The following CYFIP1 variants were observed in gnomAD, a reference collection of about 807,000 sequenced individuals.
The protein encoded by CYFIP1 is cytoplasmic FMR1-interacting protein 1.
Under a neutral mutation model 163.5 loss-of-function variants are expected in CYFIP1, and 58 were observed. That is an observed-to-expected ratio of 0.35 (90% CI 0.29 to 0.44). The LOEUF (loss-of-function observed/expected upper bound fraction) is 0.44, where lower values mean the gene tolerates loss of function less well. Among genes scored for constraint, CYFIP1 ranks in the 20% least tolerant of loss-of-function variants. The pLI is 1.00. For synonymous variants in CYFIP1, 663 were observed against 660.7 expected, an observed-to-expected ratio of 1.00 and a Z score of -0.05; for missense variants, 1,338 against 1,653.8, an observed-to-expected ratio of 0.81 and a Z score of 3.31.
In CYFIP1 at chr15:22,932,356, G is replaced by T; in HGVS notation, c.993-16C>A. 6.4e-7 allele frequency: 1 copy of T among 1,564,050 alleles called. No homozygotes were observed. Among genetic ancestry groups the T allele is most frequent in the Non-Finnish European group, 8.7e-7 (1 of 1,153,698 alleles). ...GCACGTCCATCTGTGCAGAGAGAAA[G>T]CACCCGCGTTACCTGCGGAGGCGCC... On this transcript the variant is annotated splice_polypyrimidine_tract_variant and intron_variant, in intron 10 of 30. Coordinates refer to ENST00000617928, the MANE Select transcript of CYFIP1 (RefSeq NM_014608.6).
chr15:22,941,441 A>G (rs767980457), intron 6 of CYFIP1, among the ~76,000 whole-genome samples: 18 of 151,778 alleles, frequency 1.2e-4, no homozygotes, highest in Non-Finnish European at 1.9e-4. Context: ...ACTGTTTTCT[A>G]TTTTCCTCAA....
rs367836220 is a variant in CYFIP1 at position 22,914,139 on chromosome 15, T to C, written c.1985+587A>G. ...ATCAATACTTCCTTTCCCCACTTCA[T>C]CTGGGTCAGAGGCTGTGTCACACAA... is the stretch of plus-strand genomic sequence containing the variant. On this transcript the variant is annotated intron_variant, in intron 17 of 30. Transcript: ENST00000617928. Among the ~76,000 whole-genome samples, 142 of 152,250 alleles carry C rather than the reference T, an allele frequency of 9.3e-4. 2 individuals are homozygous for C. The South Asian group carries it at 0.017, about 18-fold the overall frequency.
chr15:22,962,588 G>T (rs1268282271), intron 1 of CYFIP1, among the ~76,000 whole-genome samples: 1 of 151,446 alleles, frequency 6.6e-6, no homozygotes, highest in Admixed American at 6.6e-5. Flanking sequence ...TTTTTTAGTA[G>T]AGACAGGATT....
rs2062084157 is a variant in CYFIP1 at position 22,947,002 on chromosome 15, C to T, written c.207+1G>A. 6.2e-7 allele frequency: 1 copy of T among 1,612,866 alleles called. No homozygotes were observed. Among genetic ancestry groups the T allele is most frequent in the Admixed American group, 1.7e-5 (1 of 59,996 alleles). On this transcript the variant is annotated splice_donor_variant, in intron 3 of 30. Coordinates refer to ENST00000617928, the MANE Select transcript of CYFIP1 (RefSeq NM_014608.6). LOFTEE classifies it high-confidence loss of function. ...GAAACAAAGACACACCGCAACATTA[C>T]CATGCTAGAGTGGACGGTGGCTTGT...
chr15:22,971,776 GGGA>G (rs1302347136), intron 1 of CYFIP1, among the ~76,000 whole-genome samples: 1 of 152,028 alleles, frequency 6.6e-6, no homozygotes, highest in Non-Finnish European at 1.5e-5. Flanking sequence ...AGGCTGAAGT[GGGA>G]GGATCGCTTG....
In CYFIP1 at chr15:22,980,093, G is replaced by T. The variant is rs1332310300; in HGVS notation, c.-7+194C>A. On this transcript the variant is annotated intron_variant, in intron 1 of 30. Coordinates refer to ENST00000617928, the MANE Select transcript of CYFIP1 (RefSeq NM_014608.6). ...GGAGCCCGGGAGGCGCGGGAGCCCG[G>T]GGCCGGGACCTGGGGGACGCGGGGA... is the stretch of plus-strand genomic sequence containing the variant. Among the ~76,000 whole-genome samples, 3 of 151,014 alleles carry T rather than the reference G, an allele frequency of 2.0e-5. No homozygotes were observed. In the East Asian group the frequency reaches 6.0e-4, roughly 30 times the overall value.
At chr15:22,958,879 C>T (rs909412437) in intron 1 of CYFIP1, among the ~76,000 whole-genome samples, 18 of 152,278 alleles carry the variant, frequency 1.2e-4, no homozygotes, top group Admixed American at 8.5e-4. Context: ...AAAAACTATT[C>T]GGATGCTAAA....
intron 6 of CYFIP1, 79 bp from the exon 7 acceptor site, chr15:22,939,586 G>A: frequency 2.3e-6 from 2 of 861,084 alleles, no homozygotes; most frequent in Non-Finnish European, 3.4e-6. Context: ...AAAAAAGCCT[G>A]GTTCGAGTGG....
chr15:22,903,178 C>T (rs921035249), intron 22 of CYFIP1, among the ~76,000 whole-genome samples: 43 of 152,250 alleles, frequency 2.8e-4, no homozygotes, highest in African/African-American at 8.7e-4. Context: ...GTCCCTGGCA[C>T]GCGCTGACAC....
At chr15:22,919,444 A>G (rs181325253) in intron 13 of CYFIP1, among the ~76,000 whole-genome samples, 1 of 152,238 alleles carries the variant, frequency 6.6e-6, no homozygotes, top group African/African-American at 2.4e-5. Flanking sequence ...TCACAAACCA[A>G]GTATGACCTT....
chr15:22,944,654 T>A lies in CYFIP1; in HGVS notation c.291A>T (p.Lys97Asn). The A allele has an allele frequency of 6.2e-7, 1 of 1,613,412 alleles. No individual in the cohort carries two copies. Among genetic ancestry groups the A allele is most frequent in the Non-Finnish European group, 8.5e-7 (1 of 1,179,310 alleles). ...CCACTCTGTTAGGCTGCTCGTTACA[T>A]TTCACCTGGGAATAAAGGAACAAGG... is the stretch of plus-strand genomic sequence containing the variant. ...RSCSRAIPQV[K>N]CNEQPNRVEI... The change falls in exon 5 of 31, where the codon AAA becomes AAT. Residue 97 changes from lysine to asparagine, a missense_variant. Around this residue, in one of 4 missense-constraint regions of CYFIP1, gnomAD observed 186 missense variants for 288.3 expected, o/e 0.65. Transcript: ENST00000617928.
chr15:22,952,329 T>C (rs964452751), intron 1 of CYFIP1, among the ~76,000 whole-genome samples: 4 of 151,862 alleles, frequency 2.6e-5, no homozygotes, highest in Non-Finnish European at 4.4e-5. Context: ...TAAGGTGAAA[T>C]GTACTTAACG....
At chr15:22,925,064 T>C (rs12594495) in intron 13 of CYFIP1, among the ~76,000 whole-genome samples, 36,632 of 152,074 alleles carry the variant, frequency 0.24, 5,096 homozygotes, top group Admixed American at 0.42. Context: ...GTGTTATTTT[T>C]TCTTTCTGAA....
chr15:22,975,735 G>A (rs2063248896), intron 1 of CYFIP1, among the ~76,000 whole-genome samples: 1 of 152,126 alleles, frequency 6.6e-6, no homozygotes, highest in Non-Finnish European at 1.5e-5. Flanking sequence ...CTCTATCCTG[G>A]GCAATAAGAG....
chr15:22,880,859 C>T (rs952824051), intron 25 of CYFIP1, among the ~76,000 whole-genome samples: 12 of 152,140 alleles, frequency 7.9e-5, no homozygotes, highest in East Asian at 1.9e-4. Flanking sequence ...GGGGCGGGGA[C>T]GCTCATGCAC....
At chr15:22,930,359 C>G in intron 11 of CYFIP1, among the ~76,000 whole-genome samples, 1 of 136,860 alleles carries the variant, frequency 7.3e-6, no homozygotes, top group Non-Finnish European at 1.5e-5. Flanking sequence ...GCACTCCAGC[C>G]TGGGCGACAC....
Position 22,910,768 on chromosome 15 carries a change from T to A in CYFIP1, c.2128A>T (p.Ile710Leu), listed in dbSNP as rs755050959. The A allele has an allele frequency of 9.3e-6, 15 of 1,613,882 alleles. No individual in the cohort carries two copies. The South Asian group carries it at 1.6e-4, about 18-fold the overall frequency. ...DQFVYKLADQIFAYYKVMAGS... is the reference protein window; with the variant it reads ...DQFVYKLADQLFAYYKVMAGS... ...GCCATAACCTTATAATAGGCAAATA[T>A]CTGGTCTGCTAGCTTGTAAACAAAT... is the stretch of plus-strand genomic sequence containing the variant. The change falls in exon 19 of 31, where the codon ATA becomes TTA. Residue 710 changes from isoleucine to leucine, a missense_variant. Coordinates refer to ENST00000617928, the MANE Select transcript of CYFIP1 (RefSeq NM_014608.6).
chr15:22,930,151 G>A (rs1019470059), intron 11 of CYFIP1, among the ~76,000 whole-genome samples: 3 of 151,634 alleles, frequency 2.0e-5, no homozygotes, highest in African/African-American at 7.3e-5. Flanking sequence ...CAGGTCAGGA[G>A]ATTGAGACCA....
chr15:22,954,299 C>T (rs2062366117), intron 1 of CYFIP1, among the ~76,000 whole-genome samples: 1 of 152,270 alleles, frequency 6.6e-6, no homozygotes, highest in African/African-American at 2.4e-5. Flanking sequence ...AAAGAAATTC[C>T]TGCCTGATCT....
Sources: gnomAD v4.1 joint callset for allele counts (sites outside exome capture counted in the v4.1 genomes callset) on GRCh38, gnomAD v4.1.1 for gene constraint, gnomAD v4.1.1 regional missense constraint, MANE v1.5 for transcripts, NCBI Gene and HGNC (gene_info 2026-07-23, HGNC 2026-07-21) for gene names.